The following ULK4 variants were observed in gnomAD, a reference collection of about 807,000 sequenced individuals.
The protein encoded by ULK4 is unc-51 like kinase 4, also known as inactive serine/threonine-protein kinase ULK4.
A neutral mutation model predicts 160.6 loss-of-function variants in ULK4; 133 were observed. The ratio of observed to expected loss-of-function variants is 0.83; its 90% CI spans 0.72 to 0.96. ULK4 has a LOEUF of 0.96. Among genes scored for constraint, ULK4 ranks in the 40% least tolerant of loss-of-function variants. ULK4 has a pLI of 0.00. For synonymous variants in ULK4, 534 were observed against 539.8 expected, an observed-to-expected ratio of 0.99 and a Z score of 0.15; for missense variants, 1,580 against 1,499.5, an observed-to-expected ratio of 1.05 and a Z score of -0.89.
intron 32 of ULK4, among the ~76,000 whole-genome samples, chr3:41,470,693 T>C (rs1495694): frequency 0.23 from 34,759 of 152,066 alleles, 4,235 homozygotes; most frequent in East Asian, 0.54. Flanking sequence ...CAAAATGATG[T>C]AAATTCTGAT....
At chr3:41,552,369 C>T (rs1009188401) in intron 32 of ULK4, among the ~76,000 whole-genome samples, 21 of 151,956 alleles carry the variant, frequency 1.4e-4, no homozygotes, top group Non-Finnish European at 2.5e-4. Context: ...TAACTAAACA[C>T]TCCAACCAAA....
intron 21 of ULK4, among the ~76,000 whole-genome samples, chr3:41,767,417 T>C (rs946825425): frequency 5.3e-5 from 8 of 152,200 alleles, no homozygotes; most frequent in Non-Finnish European, 1.2e-4. Flanking sequence ...AACAGCCATC[T>C]GCTCCCCACA....
chr3:41,736,299 G>T (rs201719777), intron 22 of ULK4, among the ~76,000 whole-genome samples: 3,406 of 151,686 alleles, frequency 0.022, 270 homozygotes, highest in East Asian at 0.15. Context: ...CTAGTTTACA[G>T]TCCCACCAAC....
intron 32 of ULK4, among the ~76,000 whole-genome samples, chr3:41,541,134 G>A (rs1485290879): frequency 6.6e-6 from 1 of 152,124 alleles, no homozygotes; most frequent in African/African-American, 2.4e-5. Flanking sequence ...TATTGCTCAG[G>A]TTTTCTTCTA....
chr3:41,454,296 T>C (rs2083489141), intron 34 of ULK4, among the ~76,000 whole-genome samples: 1 of 149,286 alleles, frequency 6.7e-6, no homozygotes, highest in Admixed American at 6.8e-5. Flanking sequence ...TCCCAGCAAT[T>C]TGGGAGGCCA....
rs757138913 is a variant in ULK4, at chr3:41,421,116, C to CA, written c.3493-22853dup. On this transcript the variant is annotated intron_variant, in intron 34 of 36. Coordinates refer to ENST00000301831, the MANE Select transcript of ULK4 (RefSeq NM_017886.4). ...GAAACAAATAAGTGAGACCCCATCT[C>CA]AAAAAAAAAAGAAAAGAAAAGAAAA... Among the ~76,000 whole-genome samples the CA allele has an allele frequency of 2.0e-3, 215 of 105,172 alleles. 1 individual carries two copies. Among genetic ancestry groups the CA allele is most frequent in the Non-Finnish European group, 2.6e-3 (144 of 54,680 alleles). 69.0% of individuals were successfully genotyped at this position (105,172 alleles called of 152,430 possible).
chr3:41,344,679 G>A (rs2080759203), intron 35 of ULK4, among the ~76,000 whole-genome samples: 1 of 151,392 alleles, frequency 6.6e-6, no homozygotes, highest in Non-Finnish European at 1.5e-5. Context: ...CTTAAACTCG[G>A]GGGGCAAAGG....
intron 35 of ULK4, among the ~76,000 whole-genome samples, chr3:41,370,177 T>C (rs1309696148): frequency 1.3e-5 from 2 of 152,094 alleles, no homozygotes; most frequent in African/African-American, 2.4e-5. Context: ...GCTTAGTTTC[T>C]TGACATGACA....
intron 35 of ULK4, among the ~76,000 whole-genome samples, chr3:41,262,881 A>G (rs1164284125): frequency 6.6e-6 from 1 of 150,772 alleles, no homozygotes; most frequent in Non-Finnish European, 1.5e-5. Context: ...TGATCCAACT[A>G]ACTAACTACA....
intron 35 of ULK4, among the ~76,000 whole-genome samples, chr3:41,267,617 G>T (rs1313608214): frequency 6.6e-6 from 1 of 152,064 alleles, no homozygotes; most frequent in Admixed American, 6.5e-5. Flanking sequence ...TGAAATAGAG[G>T]ATATGATGGA....
intron 5 of ULK4, among the ~76,000 whole-genome samples, chr3:41,930,729 A>G (rs1244870908): frequency 3.9e-5 from 6 of 152,180 alleles, no homozygotes; most frequent in Admixed American, 2.6e-4. Context: ...GCCAACAAAC[A>G]TATGAAAAAA....
chr3:41,940,767 A>G (rs886715714), intron 2 of ULK4, among the ~76,000 whole-genome samples: 21 of 152,228 alleles, frequency 1.4e-4, no homozygotes, highest in Non-Finnish European at 1.3e-4. Context: ...ACCCTATTGC[A>G]AAAGGAATCT....
At chr3:41,724,190 T>A (rs1044187881) in intron 22 of ULK4, among the ~76,000 whole-genome samples, 21 of 152,208 alleles carry the variant, frequency 1.4e-4, no homozygotes, top group African/African-American at 5.1e-4. Context: ...TATGTGAATA[T>A]ACCATAATTT....
chr3:41,352,687 T>G (rs1342514438), intron 35 of ULK4, among the ~76,000 whole-genome samples: 1 of 152,082 alleles, frequency 6.6e-6, no homozygotes, highest in Non-Finnish European at 1.5e-5. Context: ...ACTTTTTGAT[T>G]TGCCCAGCAG....
chr3:41,320,778 A>T (rs1307687316), intron 35 of ULK4, among the ~76,000 whole-genome samples: 2 of 152,094 alleles, frequency 1.3e-5, no homozygotes, highest in African/African-American at 4.8e-5. Context: ...TTAGCTGGGC[A>T]TGGTGGTGCG....
intron 31 of ULK4, among the ~76,000 whole-genome samples, chr3:41,611,599 C>G (rs1363681912): frequency 2.6e-5 from 4 of 152,116 alleles, no homozygotes; most frequent in Non-Finnish European, 5.9e-5. Context: ...CGAGTTTCCA[C>G]CCTTTCAATC....
intron 31 of ULK4, among the ~76,000 whole-genome samples, chr3:41,615,270 A>C (rs968533047): frequency 8.5e-5 from 13 of 152,204 alleles, no homozygotes; most frequent in Non-Finnish European, 1.3e-4. Context: ...AAAACTGCTG[A>C]TCTGGTACCC....
At chr3:41,619,125 T>C (rs755291145) in intron 30 of ULK4, among the ~76,000 whole-genome samples, 6 of 152,056 alleles carry the variant, frequency 3.9e-5, no homozygotes, top group Non-Finnish European at 8.8e-5. Context: ...CCCAGATTCA[T>C]AAAACAAGTT....
At chr3:41,383,310 G>A (rs918914192) in intron 35 of ULK4, among the ~76,000 whole-genome samples, 6 of 152,034 alleles carry the variant, frequency 3.9e-5, no homozygotes, top group Non-Finnish European at 8.8e-5. Flanking sequence ...TGTTTGCCAG[G>A]TTGGTCTCGA....
Sources: allele counts gnomAD v4.1 joint callset (sites outside exome capture counted in the v4.1 genomes callset), GRCh38; gene constraint gnomAD v4.1.1; transcripts MANE v1.5; gene names NCBI Gene and HGNC (gene_info 2026-07-23, HGNC 2026-07-21).